HIP1: variants seen among roughly 807,000 people sequenced by gnomAD.
HIP1 encodes the protein huntingtin-interacting protein 1.
HIP1 carries 65 observed loss-of-function variants against 147.6 expected under a neutral mutation model. The ratio of observed to expected loss-of-function variants is 0.44; its 90% CI spans 0.36 to 0.54. The LOEUF is 0.54. HIP1 is among the 20% of genes least tolerant of loss of function. The pLI is 0.00. For missense variants in HIP1, 1,061 were observed against 1,299.6 expected (o/e 0.82, Z 2.82); for synonymous variants, 479 against 504.0 (o/e 0.95, Z 0.67).
At position 75,559,982 on chromosome 7, in the gene HIP1, A is replaced by C. The variant is rs1795166475; in HGVS notation, c.1192-67T>G. The C allele has an allele frequency of 4.9e-6, 7 of 1,434,298 alleles. 1 individual carries two copies. The South Asian group carries it at 8.2e-5, about 17-fold the overall frequency. 88.8% of individuals were successfully genotyped at this position (1,434,298 alleles called of 1,614,324 possible). A position where few individuals can be genotyped will look rare whatever the true frequency, so the allele number is the denominator to read the frequency against. On this transcript the variant is annotated intron_variant, in intron 13 of 30. Coordinates refer to ENST00000336926, the MANE Select transcript of HIP1 (RefSeq NM_005338.7). ...ACGGGTCACGGGCATGGGCCGGAGA[A>C]GCGGGTCCTACCATGCTTCCAAGTA...
intron 28 of HIP1, among the ~76,000 whole-genome samples, chr7:75,542,389 TC>T (rs1554490084): frequency 7.2e-6 from 1 of 138,946 alleles, no homozygotes; most frequent in African/African-American, 2.7e-5. Context: ...AGAGAAAGAC[TC>T]CATCTAAAAA....
At chr7:75,719,806 C>T (rs115615928) in intron 1 of HIP1, among the ~76,000 whole-genome samples, 2 of 152,140 alleles carry the variant, frequency 1.3e-5, no homozygotes, top group Non-Finnish European at 2.9e-5. Context: ...CTGCCTGATA[C>T]CCATAGCAGG....
intron 1 of HIP1, among the ~76,000 whole-genome samples, chr7:75,657,781 A>G (rs1347072483): frequency 6.6e-6 from 1 of 151,964 alleles, no homozygotes; most frequent in African/African-American, 2.4e-5. Flanking sequence ...AAAACTACCT[A>G]TTAATATTGG....
At chr7:75,639,582 TGTGTGTGTGTGCGCCCGC>T (rs1563263118) in intron 1 of HIP1, among the ~76,000 whole-genome samples, 1 of 149,904 alleles carries the variant, frequency 6.7e-6, no homozygotes, top group Non-Finnish European at 1.5e-5. Flanking sequence ...TGTGTGTGTG[TGTGTGTGTGTGCGCCCGC>T]GTGTGTGTGC....
intron 1 of HIP1, among the ~76,000 whole-genome samples, chr7:75,645,677 A>C (rs186983676): frequency 6.6e-6 from 1 of 152,198 alleles, no homozygotes; most frequent in South Asian, 2.1e-4. Flanking sequence ...TAGTAAAGAC[A>C]TGGCATCAAC....
At chr7:75,666,485 TA>T (rs2117232895) in intron 1 of HIP1, among the ~76,000 whole-genome samples, 2 of 152,220 alleles carry the variant, frequency 1.3e-5, no homozygotes, top group South Asian at 4.2e-4. Flanking sequence ...ATTATATATT[TA>T]AAAAATAGAT....
chr7:75,657,508 G>A (rs1307227892), intron 1 of HIP1, among the ~76,000 whole-genome samples: 56 of 148,376 alleles, frequency 3.8e-4, no homozygotes, highest in Non-Finnish European at 7.3e-4. Context: ...CCAGCCTGAG[G>A]GACAAGAGAC....
intron 29 of HIP1, 99 bp from the exon 30 acceptor site, chr7:75,539,530 GGCTGGT>G: frequency 1.1e-6 from 1 of 938,060 alleles, no homozygotes; most frequent in Non-Finnish European, 1.6e-6. Flanking sequence ...CTGCTGCCCA[GGCTGGT>G]AGTGAACTCC....
rs1794994702 is a variant in HIP1 at position 75,556,100 on chromosome 7, C to T, written c.1753G>A (p.Ala585Thr). The T allele has an allele frequency of 2.5e-6, 4 of 1,614,238 alleles. No individual in the cohort carries two copies. Among genetic ancestry groups the T allele is most frequent in the African/African-American group, 1.3e-5 (1 of 75,066 alleles). ...GCAGATAATTCCTCCTCCCTATGAG[C>T]TGCGCCACTCACCAGGCTGTCCCGC... ...KERDSLVSGA[A>T]HREEELSALR... is the part of the protein sequence containing the mutation. Residue 585 changes from alanine (A) to threonine (T), a missense_variant, in exon 18 of 31, where the codon GCT (alanine) becomes ACT (threonine). By Grantham distance (58) the Ala-to-Thr change is moderately conservative (BLOSUM62 0). This residue lies in a region of HIP1 where 810 missense variants were observed against 946.8 expected (regional missense o/e 0.86). Transcript: ENST00000336926.
intron 1 of HIP1, among the ~76,000 whole-genome samples, chr7:75,728,832 A>ACCAGGGG (rs1801735600): frequency 6.9e-6 from 1 of 144,984 alleles, no homozygotes; most frequent in Non-Finnish European, 1.5e-5. Flanking sequence ...GGGACCAGGG[A>ACCAGGGG]CGAGGGACCC....
In HIP1 at chr7:75,563,233, G is replaced by A. The variant is rs781972753; in HGVS notation, c.834C>T (p.Asn278=). 8 of 1,614,230 alleles carry A rather than the reference G, an allele frequency of 5.0e-6. No homozygotes were observed. Among genetic ancestry groups the A allele is most frequent in the Middle Eastern group, 1.6e-4 (1 of 6,062 alleles). Residue 278 remains asparagine (N), a synonymous_variant, in exon 10 of 31, where the codon AAC becomes AAT. Coordinates refer to ENST00000336926, the MANE Select transcript of HIP1 (RefSeq NM_005338.7). ...KLKDLFYRSS[N]LQYFKRLIQI... Reference sequence around the variant, plus strand: ...GAATGAGCCGCTTGAAGTACTGCAGGTTGCTGGAGCGGTAGAACAGATCTT... The same window carrying A: ...GAATGAGCCGCTTGAAGTACTGCAGATTGCTGGAGCGGTAGAACAGATCTT...
intron 14 of HIP1, 121 bp downstream of exon 14, chr7:75,559,611 G>T: frequency 1.2e-6 from 1 of 824,404 alleles, no homozygotes; most frequent in Non-Finnish European, 1.8e-6. Context: ...ATTCCTAGCT[G>T]TTTCTAGAAA....
At chr7:75,642,682 G>T (rs759398453) in intron 1 of HIP1, among the ~76,000 whole-genome samples, 3 of 152,182 alleles carry the variant, frequency 2.0e-5, no homozygotes, top group African/African-American at 7.2e-5. Flanking sequence ...CTCCTGGAAG[G>T]TCCTTCCCTC....
chr7:75,634,342 A>T lies in HIP1; in HGVS notation c.121-35095T>A, dbSNP rs144879774. Among the ~76,000 whole-genome samples the T allele has an allele frequency of 9.9e-3, 1,508 of 152,162 alleles. 30 individuals carry two copies. Among genetic ancestry groups the T allele is most frequent in the African/African-American group, 0.035 (1,441 of 41,526 alleles). On this transcript the variant is annotated intron_variant, in intron 1 of 30. Coordinates refer to ENST00000336926, the MANE Select transcript of HIP1 (RefSeq NM_005338.7). ...TATAGACACTCATCCTTCTTTCCTAAGTCTTCTCCCCTAGGAACCCAGAGG... is the reference window on the plus strand; with the variant it reads ...TATAGACACTCATCCTTCTTTCCTATGTCTTCTCCCCTAGGAACCCAGAGG...
At position 75,653,521 on chromosome 7, in the gene HIP1, G is replaced by C. The variant is rs527648943; in HGVS notation, c.121-54274C>G. Among the ~76,000 whole-genome samples the C allele has an allele frequency of 7.2e-5, 11 of 152,148 alleles. 1 individual carries two copies. Among genetic ancestry groups the C allele is most frequent in the African/African-American group, 2.6e-4 (11 of 41,520 alleles). On this transcript the variant is annotated intron_variant, in intron 1 of 30. Coordinates refer to ENST00000336926, the MANE Select transcript of HIP1 (RefSeq NM_005338.7). The stretch of plus-strand genomic sequence containing the variant: ...ATAGAAAAATTAGCGGGCTGTGGTA[G>C]TGCATGCCTGTAGTACCAGCTAATC...
At chr7:75,687,574 C>T (rs1254063285) in intron 1 of HIP1, among the ~76,000 whole-genome samples, 1 of 152,080 alleles carries the variant, frequency 6.6e-6, no homozygotes, top group Non-Finnish European at 1.5e-5. Context: ...ACCTGTAATC[C>T]CAGCTACATG....
intron 9 of HIP1, among the ~76,000 whole-genome samples, chr7:75,564,302 T>C (rs1554495118): frequency 7.4e-6 from 1 of 135,834 alleles, no homozygotes; most frequent in Non-Finnish European, 1.6e-5. Flanking sequence ...ATTTTGTTTG[T>C]TTATTTTTTG....
chr7:75,652,314 CAAAA>C (rs34220339), intron 1 of HIP1, among the ~76,000 whole-genome samples: 1 of 105,452 alleles, frequency 9.5e-6, no homozygotes. Context: ...GAGACTGTCT[CAAAA>C]AAAAAAAAAA....
At chr7:75,696,147 C>T (rs1294458702) in intron 1 of HIP1, among the ~76,000 whole-genome samples, 1 of 151,724 alleles carries the variant, frequency 6.6e-6, no homozygotes, top group African/African-American at 2.4e-5. Context: ...GCCACCATGC[C>T]CGGCTAATGT....
Sources: gnomAD v4.1 joint callset for allele counts (sites outside exome capture counted in the v4.1 genomes callset) on GRCh38, gnomAD v4.1.1 for gene constraint, gnomAD v4.1.1 regional missense constraint, MANE v1.5 for transcripts, NCBI Gene and HGNC (gene_info 2026-07-23, HGNC 2026-07-21) for gene names.